The following KLHL13 variants were observed in gnomAD, a reference collection of about 807,000 sequenced individuals.
KLHL13 encodes the protein kelch-like protein 13.
In KLHL13, 10 loss-of-function variants were observed where a neutral mutation model predicts 37.1. That is an observed-to-expected ratio of 0.27 (90% CI 0.17 to 0.46). The LOEUF (loss-of-function observed/expected upper bound fraction) is 0.46. KLHL13 is among the 20% of genes least tolerant of loss of function. KLHL13 has a pLI of 1.00. For missense variants in KLHL13, 360 were observed against 509.3 expected, an observed-to-expected ratio of 0.71 and a Z score of 2.82; for synonymous variants, 163 against 181.2, an observed-to-expected ratio of 0.90 and a Z score of 0.81.
At position 118,052,565 on chromosome X, in the gene KLHL13, C is replaced by T. The variant is rs1199265754; in HGVS notation, c.-56+63943G>A. ...AGTAGAGGCCGGGCACAGTGGCTCA[C>T]GCCTGTAATCCCAGCACTTTGGGAG... On this transcript the variant is annotated intron_variant, in intron 1 of 6. Transcript: ENST00000371882. 5.7e-5 allele frequency among the ~76,000 whole-genome samples: 6 copies of T among 105,544 alleles called. No homozygotes were observed. In the East Asian group the frequency reaches 8.9e-4, roughly 16 times the overall value. The allele number at this position is 105,544 out of a possible 115,157, so 91.7% of individuals were successfully genotyped here. A position where few individuals can be genotyped will look rare whatever the true frequency, so the allele number is the denominator to read the frequency against.
chrX:118,019,183 T>C (rs2054166295), intron 1 of KLHL13, among the ~76,000 whole-genome samples: 1 of 111,604 alleles, frequency 9.0e-6, no homozygotes, highest in African/African-American at 3.2e-5. Flanking sequence ...CAAATTTTCA[T>C]GCTTTGACCT....
At chrX:118,016,687 T>C (rs140102273) in intron 1 of KLHL13, among the ~76,000 whole-genome samples, 63 of 111,708 alleles carry the variant, frequency 5.6e-4, no homozygotes, top group Middle Eastern at 4.6e-3. Flanking sequence ...ATAAAATTCA[T>C]TGCAGTGGTA....
chrX:117,968,104 G>T (rs1265973259), intron 1 of KLHL13, among the ~76,000 whole-genome samples: 1 of 112,253 alleles, frequency 8.9e-6, no homozygotes, highest in Non-Finnish European at 1.9e-5. Flanking sequence ...CAACCAGGAA[G>T]AGTGAAGGGT....
rs186719472 is a variant in KLHL13, at chrX:117,992,058, G to T, written c.-55-46483C>A. Among the ~76,000 whole-genome samples the T allele has an allele frequency of 1.4e-3, 159 of 110,102 alleles. 2 individuals carry two copies. Among genetic ancestry groups the T allele is most frequent in the African/African-American group, 5.1e-3 (155 of 30,200 alleles). ...ATTCACACATTGGCATGAATGAGTT[G>T]AGTCAAGTTTCTTCAAATAGCAAAG... is the stretch of plus-strand genomic sequence containing the variant. On this transcript the variant is annotated intron_variant, in intron 1 of 6. Transcript: ENST00000371882.
At chrX:118,032,640 A>T (rs1450473273) in intron 1 of KLHL13, among the ~76,000 whole-genome samples, 1 of 112,200 alleles carries the variant, frequency 8.9e-6, no homozygotes, top group African/African-American at 3.2e-5. Context: ...AAAGATGGGG[A>T]AAAAACAGAG....
At chrX:117,995,306 G>GA (rs2053842508) in intron 1 of KLHL13, among the ~76,000 whole-genome samples, 1 of 111,942 alleles carries the variant, frequency 8.9e-6, no homozygotes, top group Non-Finnish European at 1.9e-5. Flanking sequence ...CCTGTAATAA[G>GA]AAATGCTTAT....
At chrX:117,957,072 C>T (rs1448176802) in intron 1 of KLHL13, among the ~76,000 whole-genome samples, 1 of 111,427 alleles carries the variant, frequency 9.0e-6, no homozygotes, top group African/African-American at 3.3e-5. Context: ...TATTTGACCA[C>T]CTTTGACCCT....
chrX:117,934,206 G>A (rs1394924459), intron 2 of KLHL13, among the ~76,000 whole-genome samples: 1 of 110,604 alleles, frequency 9.0e-6, no homozygotes, highest in Admixed American at 9.7e-5. Context: ...CTTGGGCAAT[G>A]GAATCATTAG....
intron 1 of KLHL13, chrX:117,983,384 A>G (rs1472351132): frequency 6.2e-6 from 3 of 487,016 alleles, no homozygotes; most frequent in East Asian, 7.4e-5. Flanking sequence ...ACTATACTTG[A>G]TAACTGTCTT....
intron 5 of KLHL13, among the ~76,000 whole-genome samples, chrX:117,903,839 G>A (rs1930321062): frequency 9.0e-6 from 1 of 110,648 alleles, no homozygotes; most frequent in South Asian, 3.8e-4. Flanking sequence ...TTCTTAATGC[G>A]GGACTCTGAC....
chrX:118,103,242 A>C (rs2106681), intron 1 of KLHL13, among the ~76,000 whole-genome samples: 4,504 of 111,889 alleles, frequency 0.04, 231 homozygotes, highest in African/African-American at 0.14. Flanking sequence ...AGGTATGCAT[A>C]GATTTTTTAT....
chrX:117,939,195 G>T (rs749243697), intron 2 of KLHL13, among the ~76,000 whole-genome samples: 27 of 110,950 alleles, frequency 2.4e-4, no homozygotes, highest in Non-Finnish European at 4.7e-4. Context: ...CTGGTGTTTG[G>T]TTTTCTTTTC....
At chrX:118,085,414 T>G (rs2055042130) in intron 1 of KLHL13, among the ~76,000 whole-genome samples, 1 of 110,532 alleles carries the variant, frequency 9.0e-6, no homozygotes. Flanking sequence ...ACAAATGGGA[T>G]GAGTAAAAGG....
chrX:118,053,826 AGAGAGAGAGAGAGAGAGAGAGAG>A (rs1315360353), intron 1 of KLHL13, among the ~76,000 whole-genome samples: 11 of 51,419 alleles, frequency 2.1e-4, no homozygotes, highest in Non-Finnish European at 2.9e-4. Context: ...AGAGGAGAGG[AGAGAGAGAGAGAGAGAGAGAGAG>A]GAGAGAGAGA....
At chrX:118,012,386 A>AT (rs1253352522) in intron 1 of KLHL13, among the ~76,000 whole-genome samples, 2 of 109,663 alleles carry the variant, frequency 1.8e-5, no homozygotes, top group African/African-American at 3.3e-5. Context: ...TGTTGTTGTT[A>AT]TTTTTTTTCC....
intron 5 of KLHL13, among the ~76,000 whole-genome samples, chrX:117,908,012 A>G (rs1401688582): frequency 1.8e-5 from 2 of 110,592 alleles, no homozygotes; most frequent in African/African-American, 6.5e-5. Context: ...GCCAATGCCA[A>G]TATTTTGAAC....
At chrX:117,987,338 G>C (rs959775382) in intron 1 of KLHL13, among the ~76,000 whole-genome samples, 1 of 111,625 alleles carries the variant, frequency 9.0e-6, no homozygotes, top group African/African-American at 3.3e-5. Flanking sequence ...GTAGGTGCTT[G>C]GGTATAGAAG....
chrX:117,919,829 G>GT, intron 3 of KLHL13, 112 bp from the exon 5 acceptor site: 1 of 547,067 alleles, frequency 1.8e-6, no homozygotes, highest in South Asian at 3.2e-5. Flanking sequence ...TATATAAGCA[G>GT]TCATATTAGA....
At chrX:117,974,065 C>T (rs2053567591), upstream of KLHL13, among the ~76,000 whole-genome samples, 1 of 111,316 alleles carries the variant, frequency 9.0e-6, no homozygotes, top group African/African-American at 3.3e-5. Context: ...TTTCAAAATA[C>T]TGCCAGAAAA....
Sources: gnomAD v4.1 joint callset for allele counts (sites outside exome capture counted in the v4.1 genomes callset) on GRCh38, gnomAD v4.1.1 for gene constraint, MANE v1.5 for transcripts, NCBI Gene and HGNC (gene_info 2026-07-23, HGNC 2026-07-21) for gene names.